The following TTLL11 variants were observed in gnomAD, a reference collection of about 807,000 sequenced individuals.
TTLL11 encodes tubulin polyglutamylase TTLL11.
Under a neutral mutation model 51.7 loss-of-function variants are expected in TTLL11, and 42 were observed. The ratio of observed to expected loss-of-function variants is 0.81; its 90% CI spans 0.64 to 1.05. The LOEUF (loss-of-function observed/expected upper bound fraction) is 1.05. TTLL11 is among the 50% of genes least tolerant of loss of function. The pLI is 0.00. For synonymous variants in TTLL11, 381 were observed against 383.5 expected, an observed-to-expected ratio of 0.99 and a Z score of 0.08; for missense variants, 799 against 940.4, an observed-to-expected ratio of 0.85 and a Z score of 1.97.
intron 1 of TTLL11, among the ~76,000 whole-genome samples, chr9:122,049,572 CCA>C (rs1845105965): frequency 6.6e-6 from 1 of 152,188 alleles, no homozygotes; most frequent in South Asian, 2.1e-4. Flanking sequence ...AGTTCCTCCC[CCA>C]GAGTATACAC....
At chr9:121,934,310 A>C (rs1178072259) in intron 6 of TTLL11, among the ~76,000 whole-genome samples, 1 of 152,130 alleles carries the variant, frequency 6.6e-6, no homozygotes, top group Non-Finnish European at 1.5e-5. Flanking sequence ...CCCATGCCAA[A>C]CTATATAACG....
chr9:121,901,023 C>G (rs567092493), intron 6 of TTLL11, among the ~76,000 whole-genome samples: 20 of 152,290 alleles, frequency 1.3e-4, no homozygotes, highest in Non-Finnish European at 2.4e-4. Context: ...GATCCTCCCA[C>G]CTTAGCCTCC....
At chr9:122,081,440 T>A (rs765638044) in intron 1 of TTLL11, among the ~76,000 whole-genome samples, 1 of 152,226 alleles carries the variant, frequency 6.6e-6, no homozygotes, top group African/African-American at 2.4e-5. Flanking sequence ...AGAACTAATA[T>A]GTGGTGGGGA....
chr9:122,046,634 C>T (rs990348742), intron 1 of TTLL11, among the ~76,000 whole-genome samples: 29 of 152,274 alleles, frequency 1.9e-4, no homozygotes, highest in South Asian at 8.3e-4. Context: ...CCCAGTTTCC[C>T]GAGTTCTAAA....
Position 122,050,342 on chromosome 9 carries a change from G to C in TTLL11, c.463-10974C>G, listed in dbSNP as rs144769349. 3.3e-5 allele frequency among the ~76,000 whole-genome samples: 5 copies of C among 152,234 alleles called. No individual in the cohort carries two copies. The East Asian group carries it at 9.6e-4, about 29-fold the overall frequency. ...TGTCATTAGGACAGCTCTTGAGTAA[G>C]GACACTGCGGTGTGCGTGCACTTGG... On this transcript the variant is annotated intron_variant, in intron 1 of 8. Coordinates refer to ENST00000321582, the MANE Select transcript of TTLL11 (RefSeq NM_001139442.2).
chr9:122,061,442 A>G (rs1483783638), intron 1 of TTLL11, among the ~76,000 whole-genome samples: 5 of 152,150 alleles, frequency 3.3e-5, no homozygotes, highest in African/African-American at 1.2e-4. Flanking sequence ...AAGCATCCTT[A>G]TTGTATCTCA....
In TTLL11 at chr9:121,989,312, C is replaced by T; in HGVS notation, c.1152G>A (p.Lys384=). Residue 384 remains lysine (K), a synonymous_variant, in exon 4 of 9, where the codon AAG becomes AAA. Transcript: ENST00000321582. This position sits in a 1 kb window ranked among gnomAD's most constrained non-coding sequence, Gnocchi z 4.2. ...CCACGGAGATGATGTCAGACCAGAC[C>T]TTCTTGATGTCAACGCCTTTGGAAG... ...RLSSKGVDIK[K]VWSDIISVVI... 1 of 1,614,220 alleles carries T rather than the reference C, an allele frequency of 6.2e-7. No individual in the cohort carries two copies. The highest frequency in any genetic ancestry group is 8.5e-7 in the Non-Finnish European group (1 of 1,180,050).
chr9:121,981,788 C>A (rs1460720770), intron 4 of TTLL11, among the ~76,000 whole-genome samples: 1 of 152,202 alleles, frequency 6.6e-6, no homozygotes, highest in Non-Finnish European at 1.5e-5. Flanking sequence ...GAGAATTTAA[C>A]CCTCGCTGTT....
intron 6 of TTLL11, chr9:121,963,778 G>C (rs1256745678): frequency 6.6e-6 from 1 of 152,250 alleles, no homozygotes; most frequent in East Asian, 1.9e-4. Flanking sequence ...CGTTTTCAAC[G>C]GAAGAGAGTT....
At chr9:121,864,145 T>A (rs1171551958) in intron 7 of TTLL11, among the ~76,000 whole-genome samples, 1 of 152,170 alleles carries the variant, frequency 6.6e-6, no homozygotes, top group Non-Finnish European at 1.5e-5. Context: ...TGGAATGAAT[T>A]TTTCATCCAT....
intron 7 of TTLL11, among the ~76,000 whole-genome samples, chr9:121,864,112 C>T (rs370316813): frequency 1.9e-4 from 29 of 152,146 alleles, no homozygotes; most frequent in African/African-American, 6.5e-4. Flanking sequence ...TGAATGACTC[C>T]AACAGTCAAG....
intron 4 of TTLL11, among the ~76,000 whole-genome samples, chr9:121,978,453 A>C (rs1478505163): frequency 1.4e-3 from 3 of 2,204 alleles, no homozygotes; most frequent in Non-Finnish European, 5.6e-3. Context: ...AAAAAGCTTT[A>C]TTTATTTATT....
At chr9:121,953,872 G>A (rs12379136) in intron 6 of TTLL11, among the ~76,000 whole-genome samples, 30,509 of 152,050 alleles carry the variant, frequency 0.2, 3,235 homozygotes, top group Middle Eastern at 0.21. Context: ...TGTTGCTGGA[G>A]TTCTATCAGA....
At position 121,989,111 on chromosome 9, in the gene TTLL11, G is replaced by C; in HGVS notation, c.1269+84C>G. The C allele has an allele frequency of 1.3e-6, 2 of 1,559,332 alleles. No individual in the cohort carries two copies. The stretch of plus-strand genomic sequence containing the variant: ...TCCCCTCCTCTGGCCATCCCACCCC[G>C]ATCACTCATCCTACACGAAGCCAGA... On this transcript the variant is annotated intron_variant, in intron 4 of 8. Transcript: ENST00000321582. The surrounding 1 kb of genome is among the most constrained non-coding windows in gnomAD (Gnocchi z 4.2).
chr9:121,826,628 G>T (rs1836816325), intron 8 of TTLL11, among the ~76,000 whole-genome samples: 2 of 147,408 alleles, frequency 1.4e-5, no homozygotes, highest in African/African-American at 2.5e-5. Context: ...GCTGGGATTT[G>T]AACCCAATCC....
intron 6 of TTLL11, among the ~76,000 whole-genome samples, chr9:121,925,073 G>A (rs1840674892): frequency 6.6e-6 from 1 of 152,208 alleles, no homozygotes; most frequent in Non-Finnish European, 1.5e-5. Context: ...GGGAGAGGAA[G>A]AAGCAGACAC....
intron 6 of TTLL11, among the ~76,000 whole-genome samples, chr9:121,887,813 T>G (rs1042621836): frequency 2.1e-4 from 32 of 152,072 alleles, no homozygotes; most frequent in Middle Eastern, 3.2e-3. Flanking sequence ...AGGAGTGGGA[T>G]GTGAGCTCCT....
rs745507166 is a variant in TTLL11 at position 121,818,456 on chromosome 9, T to A, written c.*4131A>T. 2 of 152,256 alleles carry A rather than the reference T, an allele frequency of 1.3e-5. No individual in the cohort carries two copies. The highest frequency in any genetic ancestry group is 2.9e-5 in the Non-Finnish European group (2 of 68,058). The allele number at this position is 152,256 out of a possible 1,614,324, so 9.4% of individuals were successfully genotyped here. The stretch of plus-strand genomic sequence containing the variant: ...CCCGGGTTCTGCTAAACGTTCCTAT[T>A]CACAGCAAGCACCTGCTGGCCCCTG... On this transcript the variant is annotated 3_prime_UTR_variant, in exon 9 of 9. Coordinates refer to ENST00000321582, the MANE Select transcript of TTLL11 (RefSeq NM_001139442.2).
intron 8 of TTLL11, among the ~76,000 whole-genome samples, chr9:121,826,483 ATATATATATATGTGTG>A (rs1836782533): frequency 4.7e-5 from 2 of 42,816 alleles, no homozygotes; most frequent in Admixed American, 1.9e-4. Flanking sequence ...ATATATATGT[ATATATATATATGTGTG>A]TGTATATATA....
Sources: gnomAD v4.1 joint callset for allele counts (sites outside exome capture counted in the v4.1 genomes callset) on GRCh38, gnomAD v4.1.1 for gene constraint, Gnocchi (gnomAD v3.1) non-coding constraint, MANE v1.5 for transcripts, NCBI Gene and HGNC (gene_info 2026-07-23, HGNC 2026-07-21) for gene names.